The following TEX14 variants were observed in gnomAD, a reference collection of about 807,000 sequenced individuals.
TEX14 encodes inactive serine/threonine-protein kinase TEX14.
In TEX14, 168 loss-of-function variants were observed where a neutral mutation model predicts 178.6. That is an observed-to-expected ratio of 0.94 (90% CI 0.83 to 1.07). TEX14 has a LOEUF of 1.07. TEX14 is among the 50% of genes least tolerant of loss of function. TEX14 has a pLI of 0.00. For synonymous variants in TEX14, 626 were observed against 634.1 expected, an observed-to-expected ratio of 0.99 and a Z score of 0.19; for missense variants, 1,730 against 1,753.6, an observed-to-expected ratio of 0.99 and a Z score of 0.24.
chr17:58,556,984 A>G lies in TEX14; in HGVS notation c.*27T>C, dbSNP rs773941130. ...CAACCAGGACACTCAAACTCAGGCC[A>G]GGAGTCCGTCTATGATCCAATTCCA... On this transcript the variant is annotated 3_prime_UTR_variant, in exon 32 of 32. Transcript: ENST00000349033. 3 of 1,602,456 alleles carry G rather than the reference A, an allele frequency of 1.9e-6. No individual in the cohort carries two copies. The highest frequency in any genetic ancestry group is 2.7e-5 in the African/African-American group (2 of 74,734).
At chr17:58,650,903 CA>C (rs1175181380) in intron 2 of TEX14, among the ~76,000 whole-genome samples, 2 of 152,196 alleles carry the variant, frequency 1.3e-5, no homozygotes, top group Non-Finnish European at 2.9e-5. Flanking sequence ...TTCCACAAAT[CA>C]GCAAAGAAAA....
intron 17 of TEX14, 107 bp from the exon 18 acceptor site, chr17:58,586,189 T>C (rs1223062988): frequency 2.3e-6 from 3 of 1,284,388 alleles, no homozygotes; most frequent in Non-Finnish European, 3.2e-6. Context: ...AGTGTAACAA[T>C]TGCCTTTTTA....
chr17:58,659,144 C>T (rs999185454), intron 1 of TEX14, among the ~76,000 whole-genome samples: 16 of 152,152 alleles, frequency 1.1e-4, no homozygotes, highest in Admixed American at 8.5e-4. Context: ...CTAGTTCAAT[C>T]ACAGGACAGA....
At chr17:58,658,058 G>A (rs2047006351) in intron 1 of TEX14, among the ~76,000 whole-genome samples, 1 of 152,092 alleles carries the variant, frequency 6.6e-6, no homozygotes, top group South Asian at 2.1e-4. Flanking sequence ...AGACAGCTTT[G>A]ACTCCCTGTG....
In TEX14 at chr17:58,599,672, GA is replaced by G; in HGVS notation, c.1679-7del. The G allele has an allele frequency of 6.3e-7, 1 of 1,596,214 alleles. No homozygotes were observed. On this transcript the variant is annotated splice_polypyrimidine_tract_variant and splice_region_variant and intron_variant, in intron 13 of 31. Coordinates refer to ENST00000349033, the MANE Select transcript of TEX14 (RefSeq NM_031272.5). ...TGGTGAATGAGGTTGACTGCCTATT[GA>G]AAAAAACAGCAAAATGCAACTCATT...
chr17:58,583,437 T>G (rs1816924215), intron 19 of TEX14, among the ~76,000 whole-genome samples: 2 of 152,086 alleles, frequency 1.3e-5, no homozygotes, highest in Non-Finnish European at 2.9e-5. Flanking sequence ...AGCTGATTTT[T>G]ACATTTTTTT....
chr17:58,630,387 T>G (rs1031638395), intron 3 of TEX14, 53 bp downstream of exon 3: 1 of 1,347,070 alleles, frequency 7.4e-7, no homozygotes, highest in Non-Finnish European at 1.1e-6. Context: ...CTAAACAAAC[T>G]CATCTTAACA....
At chr17:58,592,751 C>T (rs1023826509) in intron 15 of TEX14, among the ~76,000 whole-genome samples, 9 of 151,846 alleles carry the variant, frequency 5.9e-5, no homozygotes, top group African/African-American at 2.2e-4. Context: ...GTTGGCCAGG[C>T]TGCTCTCGAA....
intron 1 of TEX14, among the ~76,000 whole-genome samples, chr17:58,680,458 C>G (rs1197583116): frequency 4.6e-5 from 7 of 152,126 alleles, no homozygotes; most frequent in Non-Finnish European, 8.8e-5. Context: ...TTGAATGAAG[C>G]AGGCCGGACG....
chr17:58,659,235 TAGTAAAAACCCTC>T (rs2143341417), intron 1 of TEX14: 135 of 493,108 alleles, frequency 2.7e-4, no homozygotes, highest in Non-Finnish European at 3.4e-4. Context: ...AGCAAACACA[TAGTAAAAACCCTC>T]CCCCAAGAAA....
At chr17:58,563,650 TATATATATAGAGAG>T (rs1212506120) in intron 28 of TEX14, among the ~76,000 whole-genome samples, 3 of 25,740 alleles carry the variant, frequency 1.2e-4, no homozygotes, top group Non-Finnish European at 1.9e-4. Context: ...TATATATATA[TATATATATAGAGAG>T]AGAGAGAGAG....
At chr17:58,677,119 CA>C (rs35953337) in intron 1 of TEX14, among the ~76,000 whole-genome samples, 29,438 of 78,632 alleles carry the variant, frequency 0.37, 3,015 homozygotes, top group South Asian at 0.45. Context: ...AACTCCGTCT[CA>C]AAAAAAAAAA....
rs147049792 is a variant in TEX14 at position 58,577,601 on chromosome 17, T to C, written c.3239-145A>G. ...CTGGATAAACAAAGTGCTGCCCTAA[T>C]TGGGTTTGGATTGAGTGCTGTAGAA... is the stretch of plus-strand genomic sequence containing the variant. On this transcript the variant is annotated intron_variant, in intron 20 of 31. Coordinates refer to ENST00000349033, the MANE Select transcript of TEX14 (RefSeq NM_031272.5). 135 of 338,858 alleles carry C rather than the reference T, an allele frequency of 4.0e-4. No homozygotes were observed. The East Asian group carries it at 7.1e-3, about 18-fold the overall frequency. The allele number at this position is 338,858 out of a possible 1,614,324, so 21.0% of individuals were successfully genotyped here.
rs146547962 is a variant in TEX14 at position 58,597,115 on chromosome 17, T to C, written c.2469+1761A>G. Among the ~76,000 whole-genome samples, 735 of 152,014 alleles carry C rather than the reference T, an allele frequency of 4.8e-3. 2 individuals are homozygous for C. Among genetic ancestry groups the C allele is most frequent in the African/African-American group, 0.017 (714 of 41,472 alleles). On this transcript the variant is annotated intron_variant, in intron 14 of 31. Coordinates refer to ENST00000349033, the MANE Select transcript of TEX14 (RefSeq NM_031272.5). ...CTGTATAGGCAATAAAAGGGTGATA[T>C]GGCCAGGCACGGTGGCTCATGCCTG...
intron 14 of TEX14, among the ~76,000 whole-genome samples, 184 bp from the exon 15 acceptor site, chr17:58,593,845 T>C (rs2045216402): frequency 6.6e-6 from 1 of 152,156 alleles, no homozygotes. Flanking sequence ...TTTGTTTTGC[T>C]TTTATTTTGA....
chr17:58,665,142 G>T (rs1168493841), intron 1 of TEX14, among the ~76,000 whole-genome samples: 2 of 151,982 alleles, frequency 1.3e-5, no homozygotes, highest in Non-Finnish European at 2.9e-5. Context: ...ATTTTTAGTA[G>T]CTATATTATT....
chr17:58,595,733 C>T (rs1246744275), intron 14 of TEX14, among the ~76,000 whole-genome samples: 2 of 152,216 alleles, frequency 1.3e-5, no homozygotes, highest in Admixed American at 6.5e-5. Flanking sequence ...TGATGCTAGC[C>T]AATGGCCATG....
intron 1 of TEX14, chr17:58,679,522 A>C (rs562870262): frequency 9.2e-4 from 140 of 152,370 alleles, no homozygotes; most frequent in African/African-American, 3.3e-3. Context: ...TAAACAAGCC[A>C]GATCAGGGGA....
intron 8 of TEX14, among the ~76,000 whole-genome samples, chr17:58,614,399 G>A (rs1455385383): frequency 6.6e-6 from 1 of 152,204 alleles, no homozygotes; most frequent in Non-Finnish European, 1.5e-5. Flanking sequence ...CTGAGGCCTG[G>A]GAATCGCTTG....
Sources: gnomAD v4.1 joint callset for allele counts (sites outside exome capture counted in the v4.1 genomes callset) on GRCh38, gnomAD v4.1.1 for gene constraint, MANE v1.5 for transcripts, NCBI Gene and HGNC (gene_info 2026-07-23, HGNC 2026-07-21) for gene names.